GDAP1: variants seen among roughly 807,000 people sequenced by gnomAD.
GDAP1 encodes the protein ganglioside induced differentiation associated protein 1.
A neutral mutation model predicts 40.1 loss-of-function variants in GDAP1; 34 were observed. The ratio of observed to expected loss-of-function variants is 0.85; its 90% CI spans 0.64 to 1.13. GDAP1 has a LOEUF of 1.13. Ranked by LOEUF, GDAP1 falls within the 50% of genes most tolerant of loss-of-function variation. The pLI is 0.00. For synonymous variants in GDAP1, 170 were observed against 157.4 expected (o/e 1.08, Z -0.60); for missense variants, 374 against 433.7 (o/e 0.86, Z 1.22).
chr8:74,365,908 C>T lies in GDAP1; in HGVS notation c.*1541C>T. The T allele has an allele frequency of 2.2e-6, 1 of 454,096 alleles. No individual in the cohort carries two copies. The allele number at this position is 454,096 out of a possible 1,614,324, so 28.1% of individuals were successfully genotyped here. Reference sequence around the variant, plus strand: ...TCATATGGAGTGTCTGAATCTGTTGCTGGGACATACCAATCCATGTATTCA... The same window carrying T: ...TCATATGGAGTGTCTGAATCTGTTGTTGGGACATACCAATCCATGTATTCA... On this transcript the variant is annotated 3_prime_UTR_variant, in exon 6 of 6. Transcript: ENST00000220822.
chr8:74,401,009 G>A (rs1026437136), intron 2 of GDAP1, among the ~76,000 whole-genome samples: 1 of 149,346 alleles, frequency 6.7e-6, no homozygotes, highest in African/African-American at 2.6e-5. Flanking sequence ...TTCAACTTTG[G>A]TGAATCTGAC....
intron 2 of GDAP1, among the ~76,000 whole-genome samples, chr8:74,356,529 G>T (rs1461320475): frequency 6.6e-6 from 1 of 151,026 alleles, no homozygotes; most frequent in African/African-American, 2.4e-5. Flanking sequence ...GGGTCTTTTT[G>T]TTTTTTTTCT....
chr8:74,350,640 T>G (rs1199336701), intron 1 of GDAP1, 62 bp downstream of exon 1: 1 of 1,031,688 alleles, frequency 9.7e-7, no homozygotes, highest in East Asian at 2.4e-5. Flanking sequence ...GGACAGCTCC[T>G]TCTGAGTCCC....
chr8:74,445,221 TGAA>T (rs997852778), intron 2 of GDAP1, among the ~76,000 whole-genome samples: 2 of 152,180 alleles, frequency 1.3e-5, no homozygotes, highest in African/African-American at 4.8e-5. Flanking sequence ...TTCTAAAATC[TGAA>T]GAAGAAAATA....
At chr8:74,374,312 G>T (rs1023301036) in intron 2 of GDAP1, among the ~76,000 whole-genome samples, 1 of 152,096 alleles carries the variant, frequency 6.6e-6, no homozygotes, top group Non-Finnish European at 1.5e-5. Flanking sequence ...CTATTGATTG[G>T]AATAGTTTCA....
chr8:74,443,980 GTCTATCTA>G (rs34362360), intron 2 of GDAP1, among the ~76,000 whole-genome samples: 3,890 of 147,394 alleles, frequency 0.026, 60 homozygotes, highest in Non-Finnish European at 0.031. Context: ...CTTTCTGTCT[GTCTATCTA>G]TCTATCTATC....
intron 2 of GDAP1, among the ~76,000 whole-genome samples, chr8:74,468,643 T>G (rs1446093299): frequency 6.6e-6 from 1 of 152,122 alleles, no homozygotes; most frequent in East Asian, 1.9e-4. Context: ...CTGATTCCTA[T>G]ATAACTTTTT....
At chr8:74,396,775 T>A (rs1810207557) in intron 2 of GDAP1, among the ~76,000 whole-genome samples, 1 of 152,216 alleles carries the variant, frequency 6.6e-6, no homozygotes, top group African/African-American at 2.4e-5. Context: ...TTTGGGTTGG[T>A]TCCAAGTCTT....
chr8:74,406,161 A>T (rs750109779), intron 2 of GDAP1, among the ~76,000 whole-genome samples: 1 of 150,270 alleles, frequency 6.7e-6, no homozygotes, highest in Non-Finnish European at 1.5e-5. Flanking sequence ...TCTTAGTTTA[A>T]ATCCTGTTTT....
intron 3 of GDAP1, 84 bp downstream of exon 3, chr8:74,360,394 T>A: frequency 8.6e-7 from 1 of 1,158,852 alleles, no homozygotes; most frequent in Non-Finnish European, 1.3e-6. Context: ...TCATGGTCAC[T>A]AAAAGAAGAT....
intron 2 of GDAP1, among the ~76,000 whole-genome samples, chr8:74,394,079 T>C (rs1810154559): frequency 6.6e-6 from 1 of 152,200 alleles, no homozygotes; most frequent in South Asian, 2.1e-4. Context: ...AGAGGTTTAA[T>C]GGACTTAAAG....
intron 2 of GDAP1, among the ~76,000 whole-genome samples, chr8:74,379,891 A>G (rs1024821990): frequency 6.6e-6 from 1 of 152,174 alleles, no homozygotes; most frequent in Non-Finnish European, 1.5e-5. Flanking sequence ...AGTGATCTAT[A>G]TGCATGCAGG....
At chr8:74,411,286 A>G (rs1357905886) in intron 2 of GDAP1, among the ~76,000 whole-genome samples, 1 of 149,818 alleles carries the variant, frequency 6.7e-6, no homozygotes, top group Non-Finnish European at 1.5e-5. Flanking sequence ...TACAACTCCT[A>G]TGAGTGGTAT....
chr8:74,353,617 C>T (rs1477095783), intron 2 of GDAP1, among the ~76,000 whole-genome samples: 1 of 152,142 alleles, frequency 6.6e-6, no homozygotes, highest in Admixed American at 6.5e-5. Flanking sequence ...GTGAATTCTA[C>T]CAACCCTTGC....
chr8:74,365,546 G>A lies in GDAP1; in HGVS notation c.*1179G>A, dbSNP rs1363978037. ...AGACAGTTTCCCTGGAGCTGGCCATGAAGGCCTTAGAAGCCATTTCTGGTG... is the reference window on the plus strand; with the variant it reads ...AGACAGTTTCCCTGGAGCTGGCCATAAAGGCCTTAGAAGCCATTTCTGGTG... On this transcript the variant is annotated 3_prime_UTR_variant, in exon 6 of 6. Transcript: ENST00000220822. 2.2e-6 allele frequency: 1 copy of A among 454,476 alleles called. No individual in the cohort carries two copies. 28.2% of individuals were successfully genotyped at this position (454,476 alleles called of 1,614,324 possible). A position where few individuals can be genotyped will look rare whatever the true frequency, so the allele number is the denominator to read the frequency against.
At chr8:74,463,733 A>G (rs1806432636) in intron 2 of GDAP1, among the ~76,000 whole-genome samples, 1 of 152,250 alleles carries the variant, frequency 6.6e-6, no homozygotes, top group Non-Finnish European at 1.5e-5. Context: ...AAACATATGT[A>G]GAAATTGGAA....
intron 2 of GDAP1, among the ~76,000 whole-genome samples, chr8:74,477,734 GGGCAGT>G (rs536918963): frequency 7.9e-5 from 12 of 152,288 alleles, no homozygotes; most frequent in Admixed American, 6.5e-4. Context: ...GCACTTCAAA[GGGCAGT>G]GGCAGTGGAA....
At chr8:74,465,667 T>G (rs981652208) in intron 2 of GDAP1, among the ~76,000 whole-genome samples, 4 of 152,246 alleles carry the variant, frequency 2.6e-5, no homozygotes, top group African/African-American at 9.6e-5. Context: ...TGGCTTCTGA[T>G]GCTCTGCTGT....
chr8:74,398,941 T>A (rs1166765240), intron 2 of GDAP1, among the ~76,000 whole-genome samples: 1 of 152,134 alleles, frequency 6.6e-6, no homozygotes, highest in African/African-American at 2.4e-5. Flanking sequence ...TGCTGCTGGA[T>A]TTGGTTTGCC....
Sources: allele counts gnomAD v4.1 joint callset (sites outside exome capture counted in the v4.1 genomes callset), GRCh38; gene constraint gnomAD v4.1.1; transcripts MANE v1.5; gene names NCBI Gene and HGNC (gene_info 2026-07-23, HGNC 2026-07-21).